PTPRZ1: variants seen among roughly 807,000 people sequenced by gnomAD.
PTPRZ1 encodes the protein protein tyrosine phosphatase receptor type Z1.
In PTPRZ1, 82 loss-of-function variants were observed where a neutral mutation model predicts 214.1. The ratio of observed to expected loss-of-function variants is 0.38; its 90% CI spans 0.32 to 0.46. The LOEUF is 0.46. Ranked by LOEUF, PTPRZ1 falls within the 20% of genes least tolerant of loss-of-function variation. The pLI, the probability that PTPRZ1 is intolerant of heterozygous loss-of-function variation, is 1.00. For synonymous variants in PTPRZ1, 945 were observed against 987.9 expected (o/e 0.96, Z 0.81); for missense variants, 2,603 against 2,748.7 (o/e 0.95, Z 1.19).
intron 1 of PTPRZ1, among the ~76,000 whole-genome samples, chr7:121,886,471 C>CACAT (rs1400694968): frequency 9.5e-6 from 1 of 105,240 alleles, no homozygotes; most frequent in African/African-American, 2.9e-5. Context: ...GTAACACACA[C>CACAT]ACACACACAC....
intron 11 of PTPRZ1, among the ~76,000 whole-genome samples, chr7:122,009,184 T>A (rs1798573475): frequency 6.6e-6 from 1 of 152,106 alleles, no homozygotes; most frequent in African/African-American, 2.4e-5. Flanking sequence ...AGCCAAATAA[T>A]TAAGCTGTAA....
chr7:122,038,957 G>A, intron 19 of PTPRZ1, 68 bp downstream of exon 19: 2 of 1,559,102 alleles, frequency 1.3e-6, no homozygotes, highest in Non-Finnish European at 1.8e-6. Context: ...AGTTTTAATA[G>A]AGTCAGCATT....
intron 1 of PTPRZ1, among the ~76,000 whole-genome samples, chr7:121,884,522 A>G (rs1217731910): frequency 6.6e-6 from 1 of 152,086 alleles, no homozygotes; most frequent in Non-Finnish European, 1.5e-5. Flanking sequence ...TGAGCCTGAC[A>G]TTTTCCTGCC....
At chr7:122,051,833 G>GTTTTT in intron 24 of PTPRZ1, 33 bp from the exon 25 acceptor site, 1 of 1,588,046 alleles carries the variant, frequency 6.3e-7, no homozygotes, top group East Asian at 2.2e-5. Context: ...GTTTTGTTTT[G>GTTTTT]TTTTGTTTTA....
chr7:122,060,289 A>G (rs1255333111), intron 29 of PTPRZ1, among the ~76,000 whole-genome samples: 2 of 152,136 alleles, frequency 1.3e-5, no homozygotes, highest in African/African-American at 4.8e-5. Context: ...AGGAGCCCCT[A>G]ATAAGTCTTA....
chr7:121,879,596 G>A (rs1056571987), intron 1 of PTPRZ1, among the ~76,000 whole-genome samples: 1 of 152,130 alleles, frequency 6.6e-6, no homozygotes, highest in Non-Finnish European at 1.5e-5. Context: ...ATCCTAGAGA[G>A]GATGTGCTAC....
At position 122,042,680 on chromosome 7, in the gene PTPRZ1, T is replaced by A. The variant is rs1799770367; in HGVS notation, c.5874T>A (p.Thr1958=). The change falls in exon 22 of 30, where the codon ACT becomes ACA. Residue 1958 remains threonine (T), a synonymous_variant. Coordinates refer to ENST00000393386, the MANE Select transcript of PTPRZ1 (RefSeq NM_002851.3). ...TGCAGCAGATTCAACACGAAGGAAC[T>A]GTCAACATATTTGGCTTCTTAAAAC... ...SMLQQIQHEG[T]VNIFGFLKHI... is the part of the protein sequence containing the mutation. 6.2e-7 allele frequency: 1 copy of A among 1,613,606 alleles called. No homozygotes were observed. Among genetic ancestry groups the A allele is most frequent in the South Asian group, 1.1e-5 (1 of 91,074 alleles).
intron 1 of PTPRZ1, among the ~76,000 whole-genome samples, chr7:121,903,274 T>G (rs954118498): frequency 2.6e-5 from 4 of 152,164 alleles, no homozygotes; most frequent in Non-Finnish European, 5.9e-5. Context: ...AATGCATATT[T>G]TTTTCTGGCA....
chr7:121,944,014 T>A (rs531420703), intron 2 of PTPRZ1, among the ~76,000 whole-genome samples: 2 of 152,342 alleles, frequency 1.3e-5, no homozygotes, highest in East Asian at 1.9e-4. Context: ...CAGTGTAACA[T>A]GTAACAACAT....
intron 23 of PTPRZ1, among the ~76,000 whole-genome samples, chr7:122,045,551 T>C (rs1489003895): frequency 3.3e-5 from 5 of 152,036 alleles, no homozygotes; most frequent in African/African-American, 1.2e-4. Flanking sequence ...TCATACATGT[T>C]TTACTCATCC....
chr7:121,926,031 A>G (rs945957873), intron 1 of PTPRZ1, among the ~76,000 whole-genome samples: 2 of 152,190 alleles, frequency 1.3e-5, no homozygotes, highest in African/African-American at 4.8e-5. Flanking sequence ...CAAGCCGGGC[A>G]CAGTGGCTCA....
In PTPRZ1 at chr7:122,012,002, C is replaced by G; in HGVS notation, c.2956C>G (p.Pro986Ala). The G allele has an allele frequency of 6.2e-7, 1 of 1,614,198 alleles. No individual in the cohort carries two copies. Among genetic ancestry groups the G allele is most frequent in the South Asian group, 1.1e-5 (1 of 91,086 alleles). ...AACCCCAACTGCATCATTACTGCAG[C>G]CTACTCATGCCCTCTCTGGTGATGG... ...LITPTASLLQ[P>A]THALSGDGEW... is the part of the protein sequence containing the mutation. The change falls in exon 12 of 30, where the codon CCT becomes GCT. Residue 986 changes from proline (P) to alanine (A), a missense_variant. By Grantham distance (27) the Pro-to-Ala change is conservative. Transcript: ENST00000393386.
chr7:122,057,541 T>A (rs1029059224), intron 27 of PTPRZ1, among the ~76,000 whole-genome samples: 3 of 151,892 alleles, frequency 2.0e-5, no homozygotes, highest in Non-Finnish European at 4.4e-5. Context: ...ATTTACTGAT[T>A]TATCAGAGGT....
chr7:122,018,513 ATT>A (rs71530085), intron 12 of PTPRZ1, among the ~76,000 whole-genome samples: 5 of 145,330 alleles, frequency 3.4e-5, no homozygotes, highest in African/African-American at 7.5e-5. Flanking sequence ...CTGAAATTGC[ATT>A]TTTTTTTTTT....
chr7:121,892,702 ATATATATATATATATATATATG>A (rs1366491230), intron 1 of PTPRZ1, among the ~76,000 whole-genome samples: 1 of 136,280 alleles, frequency 7.3e-6, no homozygotes, highest in Non-Finnish European at 1.6e-5. Context: ...ATATATATAT[ATATATATATATATATATATATG>A]TAATGTTTAT....
intron 23 of PTPRZ1, among the ~76,000 whole-genome samples, chr7:122,045,835 T>C (rs1403964702): frequency 6.6e-6 from 1 of 151,968 alleles, no homozygotes. Flanking sequence ...AACTATAAGG[T>C]CAGAATTCAA....
intron 14 of PTPRZ1, among the ~76,000 whole-genome samples, chr7:122,029,964 G>A (rs1465588862): frequency 6.6e-6 from 1 of 151,804 alleles, no homozygotes; most frequent in African/African-American, 2.4e-5. Flanking sequence ...TAGACCAACA[G>A]CTCTCAGTTA....
chr7:121,917,658 A>G (rs1011746539), intron 1 of PTPRZ1, among the ~76,000 whole-genome samples: 4 of 152,194 alleles, frequency 2.6e-5, no homozygotes, highest in Non-Finnish European at 5.9e-5. Context: ...TTGTTACGGT[A>G]TTATTGTAAG....
intron 10 of PTPRZ1, among the ~76,000 whole-genome samples, chr7:122,000,265 T>G (rs1798277295): frequency 1.3e-5 from 2 of 152,158 alleles, no homozygotes; most frequent in African/African-American, 4.8e-5. Context: ...TCCACAGATT[T>G]ACAATTTAGT....
Sources: gnomAD v4.1 joint callset for allele counts (sites outside exome capture counted in the v4.1 genomes callset) on GRCh38, gnomAD v4.1.1 for gene constraint, MANE v1.5 for transcripts, NCBI Gene and HGNC (gene_info 2026-07-23, HGNC 2026-07-21) for gene names.